The following CHD1L variants were observed in gnomAD, a reference collection of about 807,000 sequenced individuals.
CHD1L encodes the protein ATP-dependent chromatin remodeler CHD1L.
Under a neutral mutation model 115.9 loss-of-function variants are expected in CHD1L, and 118 were observed. The observed-to-expected ratio is 1.02, with a 90% CI of 0.88 to 1.19. The LOEUF is 1.19. CHD1L is among the 50% of genes most tolerant of loss of function. CHD1L has a pLI of 0.00. For synonymous variants in CHD1L, 411 were observed against 387.1 expected (o/e 1.06, Z -0.72); for missense variants, 1,179 against 1,065.3 (o/e 1.11, Z -1.49).
chr1:147,226,541 C>T, the CHD1L span, among the ~76,000 whole-genome samples: 1 of 152,086 alleles, frequency 6.6e-6, no homozygotes, highest in Non-Finnish European at 1.5e-5. Flanking sequence ...GTAGAACCAC[C>T]AATATAACAG....
At chr1:147,239,514 C>G (rs1300917008), upstream of CHD1L, among the ~76,000 whole-genome samples, 1 of 152,144 alleles carries the variant, frequency 6.6e-6, no homozygotes, top group Non-Finnish European at 1.5e-5. Flanking sequence ...CCACTACTCA[C>G]CACTCCACTA....
chr1:147,179,245 G>C, the CHD1L span: 48 of 1,613,000 alleles, frequency 3.0e-5, no homozygotes, highest in Non-Finnish European at 4.1e-5. Flanking sequence ...TGATGGGCCT[G>C]TGAAGGTAGT....
At chr1:147,288,322 C>CATAAA (rs1452486110) in intron 19 of CHD1L, among the ~76,000 whole-genome samples, 16,750 of 86,688 alleles carry the variant, frequency 0.19, 2,463 homozygotes, top group East Asian at 0.32. Flanking sequence ...GACCCTGTTT[C>CATAAA]AATAAAAAAA....
intron 1 of CHD1L, among the ~76,000 whole-genome samples, chr1:147,249,404 A>ATTTTTTTTTTTT (rs59773572): frequency 1.6e-4 from 15 of 94,168 alleles, no homozygotes; most frequent in Admixed American, 1.6e-4. Flanking sequence ...CTTGGTGTGT[A>ATTTTTTTTTTTT]TTTTTTTTTT....
chr1:147,248,483 C>T lies in CHD1L; in HGVS notation c.128-4140C>T, dbSNP rs369315742. Among the ~76,000 whole-genome samples the T allele has an allele frequency of 9.8e-5, 15 of 152,298 alleles. No individual in the cohort carries two copies. The South Asian group carries it at 2.7e-3, about 27-fold the overall frequency. On this transcript the variant is annotated intron_variant, in intron 1 of 22. Coordinates refer to ENST00000369258, the MANE Select transcript of CHD1L (RefSeq NM_004284.6). ...TCAGCCTCCCAAAGTGCTGGGATTACAGGTGTGAGCCACTGTGCCCAGCCA... is the reference window on the plus strand; with the variant it reads ...TCAGCCTCCCAAAGTGCTGGGATTATAGGTGTGAGCCACTGTGCCCAGCCA...
At chr1:147,187,139 T>C in the CHD1L span, 11 of 1,614,142 alleles carry the variant, frequency 6.8e-6, no homozygotes, top group Non-Finnish European at 7.6e-6. Flanking sequence ...TTGGGGTCAG[T>C]GAAGGCCAGA....
intron 22 of CHD1L, 65 bp downstream of exon 22, chr1:147,294,582 G>A: frequency 7.6e-7 from 1 of 1,308,584 alleles, no homozygotes. Flanking sequence ...TTCATTTTCT[G>A]GTGTCAGTTC....
At chr1:147,209,053 T>TG in the CHD1L span, 1 of 1,612,334 alleles carries the variant, frequency 6.2e-7, no homozygotes, top group Non-Finnish European at 8.5e-7. Flanking sequence ...GAGGAAAACC[T>TG]GGGGCATGGA....
chr1:147,194,906 G>T, the CHD1L span, among the ~76,000 whole-genome samples: 6 of 152,082 alleles, frequency 3.9e-5, no homozygotes, highest in South Asian at 1.3e-3. Context: ...TCCCTTTGTG[G>T]GTAACCCGAC....
At chr1:147,204,445 A>G in the CHD1L span, 1 of 1,271,194 alleles carries the variant, frequency 7.9e-7, no homozygotes, top group Admixed American at 1.7e-5. Context: ...GGTACGAAGT[A>G]GAGATGAGAC....
chr1:147,254,388 G>A (rs1669366146), intron 2 of CHD1L, among the ~76,000 whole-genome samples: 1 of 152,172 alleles, frequency 6.6e-6, no homozygotes. Context: ...AAGGAAGACA[G>A]TAGGGGAAGG....
intron 13 of CHD1L, 135 bp downstream of exon 13, chr1:147,275,603 T>C (rs1678091670): frequency 1.5e-6 from 1 of 662,128 alleles, no homozygotes; most frequent in Non-Finnish European, 2.7e-6. Flanking sequence ...ATCTGTGCTA[T>C]TGACTCCTAG....
intron 1 of CHD1L, among the ~76,000 whole-genome samples, chr1:147,243,544 A>C (rs1455627671): frequency 1.3e-5 from 2 of 152,092 alleles, no homozygotes; most frequent in Non-Finnish European, 1.5e-5. Context: ...CTGCCGCTGC[A>C]TGGCTGACCG....
chr1:147,268,725 A>T, intron 9 of CHD1L, 57 bp from the exon 10 acceptor site: 1 of 1,382,770 alleles, frequency 7.2e-7, no homozygotes, highest in Non-Finnish European at 1.0e-6. Flanking sequence ...TAGCCTAGCT[A>T]CTGGCTTCTG....
intron 19 of CHD1L, among the ~76,000 whole-genome samples, chr1:147,288,120 T>A (rs1375540420): frequency 2.0e-5 from 3 of 150,368 alleles, no homozygotes; most frequent in Non-Finnish European, 4.4e-5. Context: ...AGGCCAGGAG[T>A]TTGAGACCAG....
In CHD1L at chr1:147,284,557, C is replaced by CA. The variant is rs869180259; in HGVS notation, c.1854+65dup. On this transcript the variant is annotated intron_variant, in intron 16 of 22. Transcript: ENST00000369258. ...TTCCAAACTCTCATTCTAAAACAAA[C>CA]AAAAAAATGATGCTGGCATCGTTTT... is the stretch of plus-strand genomic sequence containing the variant. 1.1e-3 allele frequency: 1,606 copies of CA among 1,422,340 alleles called. 22 individuals carry two copies. In the East Asian group the frequency reaches 0.025, roughly 22 times the overall value. 88.1% of individuals were successfully genotyped at this position (1,422,340 alleles called of 1,614,324 possible).
In CHD1L at chr1:147,268,830, G is replaced by A. The variant is rs782557151; in HGVS notation, c.1037G>A (p.Ser346Asn). 1 of 1,613,810 alleles carries A rather than the reference G, an allele frequency of 6.2e-7. No individual in the cohort carries two copies. Among genetic ancestry groups the A allele is most frequent in the Non-Finnish European group, 8.5e-7 (1 of 1,179,788 alleles). Residue 346 changes from serine (S) to asparagine (N), a missense_variant, in exon 10 of 23, where the codon AGT (serine) becomes AAT (asparagine). By Grantham distance (46) the Ser-to-Asn change is conservative. Transcript: ENST00000369258. ...GTTGGAGACCACCTGACTGAGGCTAGTGGGAAGCTTCACCTGCTGGATAAG... is the reference window on the plus strand; with the variant it reads ...GTTGGAGACCACCTGACTGAGGCTAATGGGAAGCTTCACCTGCTGGATAAG... The part of the protein sequence containing the change: ...FEVGDHLTEA[S>N]GKLHLLDKLL...
chr1:147,209,457 G>T, the CHD1L span, among the ~76,000 whole-genome samples: 1 of 106,216 alleles, frequency 9.4e-6, no homozygotes, highest in Non-Finnish European at 2.1e-5. Context: ...AAAAAAAAGA[G>T]TTCAAACTCA....
Position 147,242,728 on chromosome 1 carries a change from C to A in CHD1L, c.25C>A (p.Arg9Ser). 1 of 1,258,692 alleles carries A rather than the reference C, an allele frequency of 7.9e-7. No individual in the cohort carries two copies. Among genetic ancestry groups the A allele is most frequent in the East Asian group, 3.1e-5 (1 of 32,614 alleles). The allele number at this position is 1,258,692 out of a possible 1,614,324, so 78.0% of individuals were successfully genotyped here. A position where few individuals can be genotyped will look rare whatever the true frequency, so the allele number is the denominator to read the frequency against. ...GATGGAGCGCGCGGGCGCTACTAGC[C>A]GCGGGGGCCAAGCCCCTGGCTTCTT... MERAGATS[R>S]GGQAPGFLLR... Residue 9 changes from arginine to serine, a missense_variant, in exon 1 of 23, where the codon CGC (arginine) becomes AGC (serine). By Grantham distance (110) the Arg-to-Ser change is moderately radical. Coordinates refer to ENST00000369258, the MANE Select transcript of CHD1L (RefSeq NM_004284.6).
Sources: allele counts gnomAD v4.1 joint callset (sites outside exome capture counted in the v4.1 genomes callset), GRCh38; gene constraint gnomAD v4.1.1; transcripts MANE v1.5; gene names NCBI Gene and HGNC (gene_info 2026-07-23, HGNC 2026-07-21).